The following NCK1 variants were observed in gnomAD, a reference collection of about 807,000 sequenced individuals.
The protein encoded by NCK1 is NCK adaptor protein 1.
In NCK1, 19 loss-of-function variants were observed where a neutral mutation model predicts 36.6. The ratio of observed to expected loss-of-function variants is 0.52; its 90% CI spans 0.36 to 0.76. The LOEUF (loss-of-function observed/expected upper bound fraction) is 0.76. NCK1 is among the 30% of genes least tolerant of loss of function. The probability of loss-of-function intolerance (pLI) is 0.00; values close to 1 mark genes in which losing one functional copy is unlikely to be tolerated. For missense variants in NCK1, 358 were observed against 445.6 expected (o/e 0.80, Z 1.77); for synonymous variants, 165 against 156.0 (o/e 1.06, Z -0.43).
intron 1 of NCK1, among the ~76,000 whole-genome samples, chr3:136,915,953 T>G (rs1939953782): frequency 6.6e-6 from 1 of 152,144 alleles, no homozygotes; most frequent in East Asian, 1.9e-4. Context: ...CTCGAACTCC[T>G]GAGCCCGGGT....
intron 1 of NCK1, among the ~76,000 whole-genome samples, chr3:136,905,850 C>T (rs1046766052): frequency 5.9e-5 from 9 of 151,988 alleles, no homozygotes; most frequent in African/African-American, 1.9e-4. Flanking sequence ...GTCTTGAACC[C>T]CTAGGCTCAA....
chr3:136,899,732 TCTA>T (rs2108098596), intron 1 of NCK1: 2 of 933,808 alleles, frequency 2.1e-6, no homozygotes, highest in South Asian at 2.6e-5. Context: ...CTGTTTCTGT[TCTA>T]CTATTGCCAT....
In NCK1 at chr3:136,946,254, G is replaced by C; in HGVS notation, c.898G>C (p.Gly300Arg). ...AGCAGAAATGGCATTAAATGAAAGA[G>C]GACATGAAGGGGATTTCCTCATTCG... ...HQAEMALNER[G>R]HEGDFLIRDS... Residue 300 changes from glycine to arginine, a missense_variant, in exon 3 of 4, where the codon GGA becomes CGA. Around this residue, in one of 3 missense-constraint regions of NCK1, gnomAD observed 207 missense variants for 253.4 expected, o/e 0.82. Transcript: ENST00000481752. The C allele has an allele frequency of 6.2e-7, 1 of 1,613,142 alleles. No individual in the cohort carries two copies. The highest frequency in any genetic ancestry group is 8.5e-7 in the Non-Finnish European group (1 of 1,179,752).
chr3:136,930,385 GA>G (rs1185558142), intron 2 of NCK1: 24 of 1,146,688 alleles, frequency 2.1e-5, no homozygotes, highest in East Asian at 6.5e-5. Context: ...TAATTTAGAG[GA>G]AAAAAAAGTT....
intron 1 of NCK1, among the ~76,000 whole-genome samples, chr3:136,892,673 T>C (rs1043270974): frequency 1.3e-5 from 2 of 151,350 alleles, no homozygotes; most frequent in Non-Finnish European, 3.0e-5. Context: ...GTAAGACCTG[T>C]TTTAGACTTA....
At chr3:136,870,759 C>T (rs1436521393) in intron 1 of NCK1, among the ~76,000 whole-genome samples, 1 of 147,142 alleles carries the variant, frequency 6.8e-6, no homozygotes, top group Non-Finnish European at 1.5e-5. Flanking sequence ...CACTTCATCT[C>T]TTGCTTTTGT....
intron 1 of NCK1, among the ~76,000 whole-genome samples, chr3:136,890,756 A>C (rs1176072402): frequency 1.3e-5 from 2 of 152,186 alleles, no homozygotes; most frequent in African/African-American, 2.4e-5. Flanking sequence ...AAAATTTACC[A>C]TTTTAACCAT....
chr3:136,868,362 C>G (rs530388825), intron 1 of NCK1, among the ~76,000 whole-genome samples: 26 of 151,878 alleles, frequency 1.7e-4, no homozygotes, highest in East Asian at 5.8e-4. Flanking sequence ...GAGTCCTGCT[C>G]TGTCACTCAG....
At chr3:136,940,759 A>G (rs371079226) in intron 2 of NCK1, among the ~76,000 whole-genome samples, 3 of 151,756 alleles carry the variant, frequency 2.0e-5, no homozygotes, top group East Asian at 3.9e-4. Context: ...TGGCCAGGCT[A>G]GTCTTGAACT....
intron 1 of NCK1, chr3:136,899,761 T>C: frequency 5.6e-6 from 7 of 1,253,466 alleles, no homozygotes; most frequent in Middle Eastern, 2.7e-4. Flanking sequence ...TCAACTCTTT[T>C]ATCTTGAGAC....
Position 136,867,112 on chromosome 3 carries a change from CTTTCTTTGT to C in NCK1, c.-19+4762_-19+4770del, listed in dbSNP as rs1560028503. On this transcript the variant is annotated intron_variant, in intron 1 of 3. Transcript: ENST00000481752. ...TCTTTCTTTCTTTCTTTCTTTCTTT[CTTTCTTTGT>C]TTCTTTCTTTCCTTCCTTCCTTCCT... Among the ~76,000 whole-genome samples, 68 of 29,970 alleles carry C rather than the reference CTTTCTTTGT, an allele frequency of 2.3e-3. 6 individuals are homozygous for C. Among genetic ancestry groups the C allele is most frequent in the South Asian group, 7.3e-3 (5 of 682 alleles). The allele number at this position is 29,970 out of a possible 152,430, so 19.7% of individuals were successfully genotyped here.
chr3:136,869,969 G>A (rs1408292790), intron 1 of NCK1, among the ~76,000 whole-genome samples: 1 of 147,616 alleles, frequency 6.8e-6, no homozygotes, highest in Non-Finnish European at 1.5e-5. Context: ...ACAGCCAGTT[G>A]AATAAAACAA....
chr3:136,893,191 T>TACACAC (rs1204636247), intron 1 of NCK1, among the ~76,000 whole-genome samples: 2 of 38,844 alleles, frequency 5.1e-5, no homozygotes, highest in Admixed American at 3.3e-4. Flanking sequence ...TATATATATA[T>TACACAC]ACACACATGT....
intron 1 of NCK1, among the ~76,000 whole-genome samples, chr3:136,912,490 G>T (rs1185087309): frequency 1.1e-5 from 1 of 92,522 alleles, no homozygotes; most frequent in African/African-American, 3.9e-5. Flanking sequence ...CTTTTCTTCA[G>T]TCTTTTTTTT....
At chr3:136,898,854 A>G (rs894881216) in intron 1 of NCK1, among the ~76,000 whole-genome samples, 2 of 152,236 alleles carry the variant, frequency 1.3e-5, no homozygotes, top group Non-Finnish European at 2.9e-5. Context: ...TTCAGAAGGA[A>G]AGGCATGAGA....
At chr3:136,906,661 G>C (rs1202833544) in intron 1 of NCK1, among the ~76,000 whole-genome samples, 1 of 152,180 alleles carries the variant, frequency 6.6e-6, no homozygotes, top group African/African-American at 2.4e-5. Context: ...TGTGGATGAT[G>C]GCAGTAGCAG....
Position 136,951,349 on chromosome 3 carries a change from G to A in NCK1, c.*2896G>A, listed in dbSNP as rs1173203613. On this transcript the variant is annotated 3_prime_UTR_variant, in exon 4 of 4. Transcript: ENST00000481752. ...CTTCTTCAGGGTACATCTAAACACAGTGGCCTTATACAGAAATGTTGTTCA... is the reference window on the plus strand; with the variant it reads ...CTTCTTCAGGGTACATCTAAACACAATGGCCTTATACAGAAATGTTGTTCA... Among the ~76,000 whole-genome samples the A allele has an allele frequency of 6.6e-6, 1 of 152,166 alleles. No individual in the cohort carries two copies. Among genetic ancestry groups the A allele is most frequent in the African/African-American group, 2.4e-5 (1 of 41,440 alleles).
At chr3:136,879,431 C>T (rs1938868430) in intron 1 of NCK1, among the ~76,000 whole-genome samples, 1 of 152,086 alleles carries the variant, frequency 6.6e-6, no homozygotes, top group Non-Finnish European at 1.5e-5. Context: ...AAAGCCTAGT[C>T]AGGAAAATGG....
chr3:136,883,578 A>G (rs548727457), intron 1 of NCK1, among the ~76,000 whole-genome samples: 16 of 152,264 alleles, frequency 1.1e-4, no homozygotes, highest in Admixed American at 7.8e-4. Context: ...TATTTGAAAA[A>G]ATTTAATTTC....
Sources: allele counts gnomAD v4.1 joint callset (sites outside exome capture counted in the v4.1 genomes callset), GRCh38; gene constraint gnomAD v4.1.1; regional missense constraint gnomAD v4.1.1; transcripts MANE v1.5; gene names NCBI Gene and HGNC (gene_info 2026-07-23, HGNC 2026-07-21).